Variants in SLC11A1 observed in about 807,000 individuals in gnomAD.
SLC11A1 encodes solute carrier family 11 member 1.
Under a neutral mutation model 63.2 loss-of-function variants are expected in SLC11A1, and 59 were observed. The ratio of observed to expected loss-of-function variants is 0.93; its 90% CI spans 0.76 to 1.16. SLC11A1 has a LOEUF of 1.16. Among genes scored for constraint, SLC11A1 ranks in the 50% most tolerant of loss-of-function variants. The pLI is 0.00. For missense variants in SLC11A1, 688 were observed against 730.7 expected (o/e 0.94, Z 0.67); for synonymous variants, 305 against 307.8 (o/e 0.99, Z 0.09).
In SLC11A1 at chr2:218,391,435, C is replaced by T. The variant is rs765981053; in HGVS notation, c.1104C>T (p.Leu368=). ...PAALYIWAIG[L]LAAGQSSTMT... is the part of the protein sequence containing the mutation. ...CCCTCTACATCTGGGCCATAGGTCT[C>T]CTGGCGGCTGGGCAGAGCTCCACCA... The change falls in exon 11 of 15, where the codon CTC becomes CTT. Residue 368 remains leucine (L), a synonymous_variant. Transcript: ENST00000233202. 3 of 1,613,674 alleles carry T rather than the reference C, an allele frequency of 1.9e-6. No homozygotes were observed. Among genetic ancestry groups the T allele is most frequent in the East Asian group, 2.2e-5 (1 of 44,860 alleles).
rs184801938 is a variant in SLC11A1, at chr2:218,387,396, G to C, written c.571+166G>C. On this transcript the variant is annotated intron_variant, in intron 6 of 14. Transcript: ENST00000233202. The stretch of plus-strand genomic sequence containing the variant: ...GTGCCTCTCTTCACCTGTAACATGG[G>C]GAAATAATAGCACAGACTTCAGAGG... 1.8e-3 allele frequency among the ~76,000 whole-genome samples: 267 copies of C among 152,312 alleles called. 2 individuals carry two copies. Among genetic ancestry groups the C allele is most frequent in the Non-Finnish European group, 1.9e-4 (13 of 68,028 alleles).
At position 218,395,169 on chromosome 2, in the gene SLC11A1, T is replaced by C. The variant is rs1486154817; in HGVS notation, c.*134T>C. ...AGCCAACCTGGGGGCTTTAGGGACC[T>C]GCTGTTTCCTAGCGCAGCCATGTGA... On this transcript the variant is annotated 3_prime_UTR_variant, in exon 15 of 15. Transcript: ENST00000233202. 8 of 650,680 alleles carry C rather than the reference T, an allele frequency of 1.2e-5. No homozygotes were observed. Among genetic ancestry groups the C allele is most frequent in the South Asian group, 1.8e-5 (1 of 54,356 alleles). The allele number at this position is 650,680 out of a possible 1,614,324, so 40.3% of individuals were successfully genotyped here. A position where few individuals can be genotyped will look rare whatever the true frequency, so the allele number is the denominator to read the frequency against.
chr2:218,384,444 A>G lies in SLC11A1; in HGVS notation c.273+79A>G. The G allele has an allele frequency of 6.6e-7, 1 of 1,505,700 alleles. No homozygotes were observed. Among genetic ancestry groups the G allele is most frequent in the South Asian group, 1.3e-5 (1 of 79,940 alleles). The allele number at this position is 1,505,700 out of a possible 1,614,324, so 93.3% of individuals were successfully genotyped here. A position where few individuals can be genotyped will look rare whatever the true frequency, so the allele number is the denominator to read the frequency against. On this transcript the variant is annotated intron_variant, in intron 3 of 14. Transcript: ENST00000233202. The surrounding 1 kb of genome is among the most constrained non-coding windows in gnomAD (Gnocchi z 4.0). ...TAAGTGTTGAAGGCCCCTGCTGGCC[A>G]TGTTTCTCCAATGTGGCCTGGGAGC... is the stretch of plus-strand genomic sequence containing the variant.
intron 12 of SLC11A1, 132 bp from the exon 13 acceptor site, chr2:218,393,988 G>A: frequency 1.3e-6 from 1 of 752,366 alleles, no homozygotes; most frequent in South Asian, 1.9e-5. Context: ...AGACGGGGAA[G>A]TAGGCTCAGT....
intron 4 of SLC11A1, among the ~76,000 whole-genome samples, chr2:218,386,039 G>A (rs1281358269): frequency 6.6e-6 from 1 of 152,204 alleles, no homozygotes. Context: ...AAGCCCCAGA[G>A]CCATCCTTTG....
At position 218,385,057 on chromosome 2, in the gene SLC11A1, A is replaced by G; in HGVS notation, c.274-90A>G. ...CTCCATCTCTCCCACCCCCTCCCCG[A>G]GGAGTATGCTTGGTTAGAGGGTACC... On this transcript the variant is annotated intron_variant, in intron 3 of 14. Transcript: ENST00000233202. 1.9e-6 allele frequency: 3 copies of G among 1,550,668 alleles called. No individual in the cohort carries two copies. In the South Asian group the frequency reaches 3.4e-5, roughly 18 times the overall value.
chr2:218,390,647 C>T (rs983094059), intron 9 of SLC11A1, among the ~76,000 whole-genome samples: 6 of 152,138 alleles, frequency 3.9e-5, no homozygotes, highest in African/African-American at 7.2e-5. Context: ...AGGTCACACT[C>T]CTCCCTGGGT....
At position 218,387,629 on chromosome 2, in the gene SLC11A1, T is replaced by C. The variant is rs778352764; in HGVS notation, c.636T>C (p.Tyr212=). Residue 212 remains tyrosine, a synonymous_variant, in exon 7 of 15, where the codon TAT becomes TAC. Transcript: ENST00000233202. ...CCATTATGGCCTTGACCTTTGGCTA[T>C]GAGGTAGGAAGCCAGTGCTGCAACC... is the stretch of plus-strand genomic sequence containing the variant. ...LITIMALTFG[Y]EYVVARPEQG... The C allele has an allele frequency of 1.9e-6, 3 of 1,614,022 alleles. No homozygotes were observed. Among genetic ancestry groups the C allele is most frequent in the African/African-American group, 1.3e-5 (1 of 74,942 alleles).
In SLC11A1 at chr2:218,384,355, C is replaced by A. The variant is rs200307655; in HGVS notation, c.263C>A (p.Ala88Glu). ...IESDLQAGAV[A>E]GFKLLWVLLW... ...TCAGATCTTCAGGCTGGCGCCGTGG[C>A]GGGATTCAAAGTAACTAAGTCGGGA... The change falls in exon 3 of 15, where the codon GCG becomes GAG. Residue 88 changes from alanine to glutamate, a missense_variant. Ala to Glu is a moderately radical substitution (Grantham distance 107). Coordinates refer to ENST00000233202, the MANE Select transcript of SLC11A1 (RefSeq NM_000578.4). The surrounding 1 kb of genome is among the most constrained non-coding windows in gnomAD (Gnocchi z 4.0). 2.3e-4 allele frequency: 361 copies of A among 1,601,694 alleles called. No homozygotes were observed. The highest frequency in any genetic ancestry group is 2.9e-4 in the Non-Finnish European group (339 of 1,171,542).
At chr2:218,390,788 T>C (rs1393216375) in intron 9 of SLC11A1, among the ~76,000 whole-genome samples, 1 of 152,058 alleles carries the variant, frequency 6.6e-6, no homozygotes, top group Non-Finnish European at 1.5e-5. Flanking sequence ...GCTGTCTCTG[T>C]GGTGATGCCA....
rs1399750260 is a variant in SLC11A1 at position 218,389,929 on chromosome 2, G to T, written c.855G>T (p.Leu285=). Residue 285 remains leucine (L), a synonymous_variant, in exon 9 of 15, where the codon CTG becomes CTT. Transcript: ENST00000233202. ...TCAGAGAAGCCAACATGTACTTCCT[G>T]ATTGAGGCCACCATCGCCCTGTCCG... ...ADIREANMYF[L]IEATIALSVS... The T allele has an allele frequency of 6.2e-7, 1 of 1,614,104 alleles. No homozygotes were observed. The highest frequency in any genetic ancestry group is 1.3e-5 in the African/African-American group (1 of 75,038).
chr2:218,393,321 C>T (rs2106338667), intron 12 of SLC11A1, among the ~76,000 whole-genome samples, 191 bp downstream of exon 12: 1 of 142,062 alleles, frequency 7.0e-6, no homozygotes, highest in Non-Finnish European at 1.6e-5. Context: ...TTCCCCCCTC[C>T]CACCCCCCAG....
intron 2 of SLC11A1, chr2:218,383,865 G>A (rs1253312060): frequency 6.2e-6 from 1 of 160,270 alleles, no homozygotes; most frequent in Non-Finnish European, 1.4e-5. Context: ...ACCACAGAGA[G>A]GAGGCCCCGT....
chr2:218,394,192 CTG>C lies in SLC11A1; in HGVS notation c.1388+2_1388+3del. Reference sequence around the variant, plus strand: ...CCTCATGCAGGAGTTTGCCAATGGCCTGTGAGTACCCCCTTTCCCAAGTGCTG... The same window carrying C: ...CCTCATGCAGGAGTTTGCCAATGGCCTGAGTACCCCCTTTCCCAAGTGCTG... On this transcript the variant is annotated splice_donor_variant and coding_sequence_variant, in exon 13 of 15. Transcript: ENST00000233202. LOFTEE classifies it high-confidence loss of function. 1 of 1,614,074 alleles carries C rather than the reference CTG, an allele frequency of 6.2e-7. No homozygotes were observed. The highest frequency in any genetic ancestry group is 8.5e-7 in the Non-Finnish European group (1 of 1,179,934).
intron 11 of SLC11A1, 27 bp from the exon 12 acceptor site, chr2:218,392,954 T>A: frequency 6.4e-7 from 1 of 1,566,516 alleles, no homozygotes; most frequent in Non-Finnish European, 8.6e-7. Flanking sequence ...TGTCTACTCC[T>A]CACCAAGGAG....
At chr2:218,394,378 G>T in intron 13 of SLC11A1, 185 bp downstream of exon 13, 1 of 715,072 alleles carries the variant, frequency 1.4e-6, no homozygotes, top group Non-Finnish European at 2.3e-6. Context: ...ATCCAGGGAA[G>T]AGGGCTGTTT....
chr2:218,394,266 C>A, intron 13 of SLC11A1, 73 bp downstream of exon 13: 1 of 1,438,028 alleles, frequency 7.0e-7, no homozygotes, highest in Non-Finnish European at 9.7e-7. Context: ...GAGGTACGAG[C>A]TACAATTCTC....
chr2:218,387,859 C>T lies in SLC11A1; in HGVS notation c.699C>T (p.Cys233=), dbSNP rs1419300582. 6.2e-6 allele frequency: 10 copies of T among 1,601,452 alleles called. No individual in the cohort carries two copies. Among genetic ancestry groups the T allele is most frequent in the Non-Finnish European group, 8.5e-6 (10 of 1,174,344 alleles). Residue 233 remains cysteine (C), a synonymous_variant, in exon 8 of 15, where the codon TGC becomes TGT. Transcript: ENST00000233202. ...TTCGGGGCCTGTTCCTGCCCTCGTG[C>T]CCGGGCTGCGGCCACCCCGAGCTGC... ...ALLRGLFLPS[C]PGCGHPELLQ... is the part of the protein sequence containing the mutation.
In SLC11A1 at chr2:218,394,127, T is replaced by C. The variant is rs1696611947; in HGVS notation, c.1322T>C (p.Phe441Ser). ...TCCTGCTGCTCTCCCCAGCTCCCGT[T>C]CGCCGTGCTGCCCATCCTCACGTTC... ...LNVLQSLLLP[F>S]AVLPILTFTS... The change falls in exon 13 of 15, where the codon TTC becomes TCC. Residue 441 changes from phenylalanine (F) to serine (S), a missense_variant. Transcript: ENST00000233202. 1 of 1,614,004 alleles carries C rather than the reference T, an allele frequency of 6.2e-7. No individual in the cohort carries two copies. Among genetic ancestry groups the C allele is most frequent in the African/African-American group, 1.3e-5 (1 of 74,910 alleles).
Sources: gnomAD v4.1 joint callset for allele counts (sites outside exome capture counted in the v4.1 genomes callset) on GRCh38, gnomAD v4.1.1 for gene constraint, Gnocchi (gnomAD v3.1) non-coding constraint, MANE v1.5 for transcripts, NCBI Gene and HGNC (gene_info 2026-07-23, HGNC 2026-07-21) for gene names.